Variants in PTPRD observed in about 807,000 individuals in gnomAD.
PTPRD encodes the protein protein tyrosine phosphatase receptor type D.
PTPRD carries 34 observed loss-of-function variants against 214.5 expected under a neutral mutation model. The ratio of observed to expected loss-of-function variants is 0.16; its 90% CI spans 0.12 to 0.21. The LOEUF (loss-of-function observed/expected upper bound fraction) is 0.21, where lower values mean the gene tolerates loss of function less well. Ranked by LOEUF, PTPRD falls within the 10% of genes least tolerant of loss-of-function variation. The pLI, the probability that PTPRD is intolerant of heterozygous loss-of-function variation, is 1.00. For synonymous variants in PTPRD, 1,128 were observed against 845.7 expected (o/e 1.33, Z -5.79); for missense variants, 2,545 against 2,398.7 (o/e 1.06, Z -1.27).
intron 11 of PTPRD, among the ~76,000 whole-genome samples, chr9:8,868,624 G>C (rs936007740): frequency 6.6e-6 from 1 of 152,140 alleles, no homozygotes; most frequent in African/African-American, 2.4e-5. Flanking sequence ...TATCTTTAAA[G>C]TTGTTTCTTT....
intron 33 of PTPRD, among the ~76,000 whole-genome samples, chr9:8,456,299 A>T (rs138459717): frequency 1.7e-4 from 26 of 152,262 alleles, no homozygotes; most frequent in Non-Finnish European, 3.7e-4. Flanking sequence ...GCTCAGGAAA[A>T]GTGATCCTAA....
intron 10 of PTPRD, among the ~76,000 whole-genome samples, chr9:9,103,660 T>C (rs2099794470): frequency 6.6e-6 from 1 of 152,108 alleles, no homozygotes. Flanking sequence ...CTCCAATTTT[T>C]GCAAGTACCT....
intron 9 of PTPRD, among the ~76,000 whole-genome samples, chr9:9,229,933 G>C (rs975467058): frequency 2.6e-5 from 4 of 151,992 alleles, no homozygotes; most frequent in African/African-American, 9.7e-5. Context: ...GGAGTGACTA[G>C]ATAATACTAG....
chr9:10,001,459 C>T (rs201879391), intron 4 of PTPRD, among the ~76,000 whole-genome samples: 1 of 152,052 alleles, frequency 6.6e-6, no homozygotes, highest in East Asian at 1.9e-4. Context: ...CAAGTAGAAA[C>T]ATCATAGTCA....
chr9:10,175,187 T>C (rs995512585), intron 3 of PTPRD, among the ~76,000 whole-genome samples: 4 of 152,092 alleles, frequency 2.6e-5, no homozygotes, highest in African/African-American at 9.7e-5. Context: ...ATAGTACTGC[T>C]ACTTACTAGC....
chr9:8,719,620 C>T (rs2098470863), intron 12 of PTPRD, among the ~76,000 whole-genome samples: 1 of 152,178 alleles, frequency 6.6e-6, no homozygotes, highest in South Asian at 2.1e-4. Context: ...TATTGGAATA[C>T]TGTTTTACCC....
chr9:10,383,891 G>T (rs564266120), intron 2 of PTPRD, among the ~76,000 whole-genome samples: 1 of 151,788 alleles, frequency 6.6e-6, no homozygotes, highest in South Asian at 2.1e-4. Flanking sequence ...GTAAGCAAAA[G>T]AAACAATTTA....
At chr9:9,330,479 T>C (rs2041894246) in intron 9 of PTPRD, among the ~76,000 whole-genome samples, 2 of 152,092 alleles carry the variant, frequency 1.3e-5, no homozygotes, top group African/African-American at 4.8e-5. Flanking sequence ...TCGAGCAATT[T>C]TAATGTATGG....
chr9:8,827,302 T>C (rs1054295838), intron 11 of PTPRD, among the ~76,000 whole-genome samples: 2 of 100,412 alleles, frequency 2.0e-5, no homozygotes, highest in Non-Finnish European at 4.0e-5. Flanking sequence ...AATCTATTTG[T>C]TATTGAAAAA....
intron 34 of PTPRD, chr9:8,437,137 GAA>G (rs777396905): frequency 2.0e-4 from 244 of 1,205,636 alleles, no homozygotes; most frequent in Non-Finnish European, 2.4e-4. Context: ...GCCTAAAAGG[GAA>G]AGAGTAGTAG....
intron 10 of PTPRD, chr9:9,091,200 T>C (rs1472507715): frequency 1.3e-6 from 2 of 1,513,546 alleles, no homozygotes; most frequent in Non-Finnish European, 1.8e-6. Context: ...CACCCCGATT[T>C]AGACCTGCGG....
chr9:8,539,320 C>T (rs576859262), intron 14 of PTPRD, among the ~76,000 whole-genome samples: 19 of 151,958 alleles, frequency 1.3e-4, no homozygotes, highest in African/African-American at 3.9e-4. Context: ...CCTAGATTTG[C>T]AGTATGCAAT....
intron 10 of PTPRD, among the ~76,000 whole-genome samples, chr9:9,070,178 G>C (rs1015027565): frequency 3.9e-5 from 6 of 152,018 alleles, no homozygotes; most frequent in African/African-American, 1.2e-4. Flanking sequence ...ATTCTGTCTT[G>C]GTGTCACTTG....
At chr9:10,062,397 G>C (rs1384400585) in intron 3 of PTPRD, among the ~76,000 whole-genome samples, 2 of 152,008 alleles carry the variant, frequency 1.3e-5, no homozygotes, top group African/African-American at 4.8e-5. Context: ...CCTAAGGTCA[G>C]GAGTTCAAAA....
At chr9:8,425,068 A>G (rs899037603) in intron 35 of PTPRD, among the ~76,000 whole-genome samples, 11 of 152,206 alleles carry the variant, frequency 7.2e-5, no homozygotes, top group Non-Finnish European at 1.6e-4. Context: ...AAAAAGAATG[A>G]CAAACTGTTT....
intron 2 of PTPRD, among the ~76,000 whole-genome samples, chr9:10,479,652 A>AATAAATACATAAATAAATACATAAATAC (rs66767934): frequency 9.7e-5 from 12 of 124,198 alleles, no homozygotes; most frequent in Non-Finnish European, 1.8e-4. Flanking sequence ...TAAATAAATA[A>AATAAATACATAAATAAATACATAAATAC]ATAAATAAAC....
intron 9 of PTPRD, among the ~76,000 whole-genome samples, chr9:9,208,345 G>A (rs2099946336): frequency 6.6e-6 from 1 of 151,910 alleles, no homozygotes; most frequent in Admixed American, 6.6e-5. Context: ...AAACACCTTG[G>A]AGGACAAACC....
At chr9:9,174,854 G>C (rs2099923665) in intron 10 of PTPRD, among the ~76,000 whole-genome samples, 1 of 152,006 alleles carries the variant, frequency 6.6e-6, no homozygotes, top group Admixed American at 6.6e-5. Context: ...GCTTTGGACT[G>C]AATGTTGCTA....
At chr9:8,991,959 G>A (rs1310882373) in intron 11 of PTPRD, among the ~76,000 whole-genome samples, 1 of 151,920 alleles carries the variant, frequency 6.6e-6, no homozygotes, top group African/African-American at 2.4e-5. Context: ...TAGTAATATA[G>A]AATTGTGGTG....
Sources: allele counts gnomAD v4.1 joint callset (sites outside exome capture counted in the v4.1 genomes callset), GRCh38; gene constraint gnomAD v4.1.1; transcripts MANE v1.5; gene names NCBI Gene and HGNC (gene_info 2026-07-23, HGNC 2026-07-21).